The following HERC1 variants were observed in gnomAD, a reference collection of about 807,000 sequenced individuals.
HERC1 encodes HECT and RLD domain containing E3 ubiquitin protein ligase family member 1.
A neutral mutation model predicts 554.3 loss-of-function variants in HERC1; 160 were observed. The observed-to-expected ratio is 0.29, with a 90% CI of 0.25 to 0.33. The LOEUF (loss-of-function observed/expected upper bound fraction) is 0.33, where lower values mean the gene tolerates loss of function less well. Among genes scored for constraint, HERC1 ranks in the 10% least tolerant of loss-of-function variants. The pLI is 1.00. For missense variants in HERC1, 4,919 were observed against 5,918.5 expected (o/e 0.83, Z 5.54); for synonymous variants, 2,175 against 2,131.7 (o/e 1.02, Z -0.56).
intron 68 of HERC1, among the ~76,000 whole-genome samples, chr15:63,631,175 G>C (rs1195205468): frequency 1.3e-5 from 2 of 152,170 alleles, no homozygotes; most frequent in Admixed American, 1.3e-4. Context: ...TAAAATGAGA[G>C]ATCATTCAAC....
intron 68 of HERC1, 82 bp downstream of exon 68, chr15:63,632,627 A>G (rs1343530624): frequency 3.3e-6 from 3 of 917,790 alleles, no homozygotes; most frequent in Admixed American, 2.0e-5. Flanking sequence ...AAAGGACTCA[A>G]TTTAGAGCAC....
intron 74 of HERC1, among the ~76,000 whole-genome samples, chr15:63,617,055 A>C (rs1354555540): frequency 6.6e-6 from 1 of 152,060 alleles, no homozygotes; most frequent in Non-Finnish European, 1.5e-5. Context: ...ACATGTGCAC[A>C]ACGTGCAGGT....
At chr15:63,621,746 T>C (rs1315640026) in intron 74 of HERC1, among the ~76,000 whole-genome samples, 1 of 152,226 alleles carries the variant, frequency 6.6e-6, no homozygotes, top group Non-Finnish European at 1.5e-5. Context: ...CATTTGATCT[T>C]CCATCACTGA....
chr15:63,757,706 GT>G (rs1274531506), intron 4 of HERC1, among the ~76,000 whole-genome samples: 1 of 152,030 alleles, frequency 6.6e-6, no homozygotes, highest in Non-Finnish European at 1.5e-5. Context: ...GACTAAAAAT[GT>G]ATTTTTTATT....
In HERC1 at chr15:63,755,240, A is replaced by C. The variant is rs779114749; in HGVS notation, c.1619T>G (p.Phe540Cys). 1.2e-6 allele frequency: 2 copies of C among 1,609,794 alleles called. No homozygotes were observed. Among genetic ancestry groups the C allele is most frequent in the East Asian group, 4.5e-5 (2 of 44,858 alleles). ...TTAAAAAATCTTACCTAATCTTCCA[A>C]AGTCTCCTTCACCCCATGTGTATAA... ...GELYTWGEGD[F>C]GRLGHGDSNS... The change falls in exon 6 of 78, where the codon TTT becomes TGT. Residue 540 changes from phenylalanine (F) to cysteine (C), a missense_variant. Phe to Cys is a radical substitution (Grantham distance 205, BLOSUM62 -2). This residue lies in a region of HERC1 where 744 missense variants were observed against 1,090.0 expected (regional missense o/e 0.68). Coordinates refer to ENST00000443617, the MANE Select transcript of HERC1 (RefSeq NM_003922.4).
chr15:63,674,237 AT>A (rs1228332525), intron 38 of HERC1, 104 bp downstream of exon 38: 41,993 of 640,616 alleles, frequency 0.066, 1 homozygote, highest in Non-Finnish European at 0.072. Flanking sequence ...CAAAAAAAAA[AT>A]TTTTTTTTTT....
chr15:63,687,261 C>T (rs1433662932), intron 33 of HERC1, among the ~76,000 whole-genome samples: 6 of 152,038 alleles, frequency 3.9e-5, no homozygotes, highest in Non-Finnish European at 8.8e-5. Flanking sequence ...GTGAGGGGGC[C>T]AGGTGTGGTG....
At chr15:63,647,612 A>G (rs62012839) in intron 55 of HERC1, among the ~76,000 whole-genome samples, 24,476 of 152,246 alleles carry the variant, frequency 0.16, 2,306 homozygotes, top group Middle Eastern at 0.21. Context: ...GTGTCCATCA[A>G]TGGATGACTG....
rs1330747975 is a variant in HERC1 at position 63,749,080 on chromosome 15, A to G, written c.2219+287T>C. On this transcript the variant is annotated intron_variant, in intron 10 of 77. Transcript: ENST00000443617. The surrounding 1 kb of genome is among the most constrained non-coding windows in gnomAD (Gnocchi z 4.1). ...ATTTCCTCTTGATATGCAGATATTT[A>G]ATTTTTTTAAATCAGCATGTAGAGA... 6.6e-6 allele frequency among the ~76,000 whole-genome samples: 1 copy of G among 152,188 alleles called. No homozygotes were observed. The highest frequency in any genetic ancestry group is 2.4e-5 in the African/African-American group (1 of 41,462).
Position 63,655,434 on chromosome 15 carries a change from C to T in HERC1, c.10084+308G>A, listed in dbSNP as rs554956577. Among the ~76,000 whole-genome samples, 4 of 152,232 alleles carry T rather than the reference C, an allele frequency of 2.6e-5. No homozygotes were observed. The South Asian group carries it at 8.3e-4, about 32-fold the overall frequency. On this transcript the variant is annotated intron_variant, in intron 50 of 77. Transcript: ENST00000443617. ...GAGAAAGGCAGTACTGATAAGTAGT[C>T]CCTTCAAAGTGTTATAATCTTAAAA...
intron 1 of HERC1, among the ~76,000 whole-genome samples, chr15:63,780,274 C>T (rs960206487): frequency 6.6e-6 from 1 of 152,134 alleles, no homozygotes; most frequent in Non-Finnish European, 1.5e-5. Context: ...GGAATTTCCT[C>T]ATTTCCATTT....
Position 63,674,388 on chromosome 15 carries a change from C to T in HERC1, c.7800G>A (p.Val2600=), listed in dbSNP as rs1189687317. The change falls in exon 38 of 78, where the codon GTG becomes GTA. Residue 2600 remains valine (V), a synonymous_variant. Coordinates refer to ENST00000443617, the MANE Select transcript of HERC1 (RefSeq NM_003922.4). ...ERAQAMIYKL[V]VHGLLEDQFG... ...ACTGGTCTTCCAAAAGCCCATGAAC[C>T]ACTAATTTATAGATCATGGCTTGCG... The T allele has an allele frequency of 6.2e-7, 1 of 1,613,566 alleles. No homozygotes were observed. Among genetic ancestry groups the T allele is most frequent in the Non-Finnish European group, 8.5e-7 (1 of 1,179,690 alleles).
intron 68 of HERC1, among the ~76,000 whole-genome samples, chr15:63,631,698 G>A (rs746418432): frequency 9.2e-5 from 14 of 152,088 alleles, no homozygotes; most frequent in Non-Finnish European, 1.3e-4. Flanking sequence ...CTGCCACCAC[G>A]CTCGGCTAAT....
chr15:63,671,039 T>G (rs1368578879), intron 39 of HERC1, among the ~76,000 whole-genome samples: 2 of 151,832 alleles, frequency 1.3e-5, no homozygotes, highest in African/African-American at 4.8e-5. Flanking sequence ...CTGTCTCTAC[T>G]AAAAATACAA....
intron 37 of HERC1, among the ~76,000 whole-genome samples, chr15:63,675,778 T>C (rs1449489851): frequency 6.6e-6 from 1 of 152,192 alleles, no homozygotes. Flanking sequence ...TAAAAAGCTT[T>C]TGCTGGTATA....
chr15:63,653,286 C>G (rs1232291624), intron 51 of HERC1, among the ~76,000 whole-genome samples: 1 of 151,888 alleles, frequency 6.6e-6, no homozygotes, highest in Non-Finnish European at 1.5e-5. Context: ...ACTAAAAATA[C>G]AAAAAAATTA....
chr15:63,798,128 C>T (rs2076866308), intron 1 of HERC1, among the ~76,000 whole-genome samples: 1 of 152,216 alleles, frequency 6.6e-6, no homozygotes, highest in Non-Finnish European at 1.5e-5. Flanking sequence ...CCACCTGCTA[C>T]TTCTCCCTTC....
Position 63,774,731 on chromosome 15 carries a change from C to T in HERC1, c.893G>A (p.Cys298Tyr). 2 of 1,613,160 alleles carry T rather than the reference C, an allele frequency of 1.2e-6. No homozygotes were observed. The highest frequency in any genetic ancestry group is 2.2e-5 in the South Asian group (2 of 90,872). ...SSQEGMISFD[C>Y]FMTILMQMRR... ...CATCTGCATTAATATGGTCATAAAGCAGTCAAAGCTGATCATTCCTTCCTG... is the reference window on the plus strand; with the variant it reads ...CATCTGCATTAATATGGTCATAAAGTAGTCAAAGCTGATCATTCCTTCCTG... Residue 298 changes from cysteine (C) to tyrosine (Y), a missense_variant, in exon 2 of 78, where the codon TGC becomes TAC. Physicochemically the swap from Cys to Tyr is radical, Grantham distance 194. This residue lies in a region of HERC1 where 744 missense variants were observed against 1,090.0 expected (regional missense o/e 0.68). Coordinates refer to ENST00000443617, the MANE Select transcript of HERC1 (RefSeq NM_003922.4).
intron 40 of HERC1, 74 bp downstream of exon 40, chr15:63,669,464 A>C: frequency 1.4e-6 from 2 of 1,401,328 alleles, no homozygotes; most frequent in Non-Finnish European, 2.0e-6. Flanking sequence ...GACAAAACAC[A>C]ATGCCCACAT....
Sources: allele counts gnomAD v4.1 joint callset (sites outside exome capture counted in the v4.1 genomes callset), GRCh38; gene constraint gnomAD v4.1.1; regional missense constraint gnomAD v4.1.1; non-coding constraint Gnocchi (gnomAD v3.1); transcripts MANE v1.5; gene names NCBI Gene and HGNC (gene_info 2026-07-23, HGNC 2026-07-21).